Variants in IL1RAPL2 observed in about 807,000 individuals in gnomAD.
IL1RAPL2 encodes X-linked interleukin-1 receptor accessory protein-like 2.
A neutral mutation model predicts 44.1 loss-of-function variants in IL1RAPL2; 3 were observed. That is an observed-to-expected ratio of 0.07 (90% confidence interval 0.03 to 0.18). The LOEUF is 0.18. Among genes scored for constraint, IL1RAPL2 ranks in the 10% least tolerant of loss-of-function variants. IL1RAPL2 has a pLI of 1.00. For synonymous variants in IL1RAPL2, 181 were observed against 178.8 expected (o/e 1.01, Z -0.10); for missense variants, 391 against 496.4 (o/e 0.79, Z 2.02).
intron 2 of IL1RAPL2, among the ~76,000 whole-genome samples, chrX:104,669,478 A>G (rs765174553): frequency 3.6e-5 from 4 of 110,703 alleles, no homozygotes; most frequent in Non-Finnish European, 7.6e-5. Context: ...AAACCACTCC[A>G]TACGTTTCCA....
intron 2 of IL1RAPL2, among the ~76,000 whole-genome samples, chrX:104,798,247 G>C (rs956910619): frequency 2.7e-5 from 3 of 110,997 alleles, no homozygotes; most frequent in African/African-American, 9.8e-5. Context: ...TGGTTAAGGG[G>C]GGCTCCACCT....
At chrX:104,850,016 A>C (rs985204134) in intron 2 of IL1RAPL2, among the ~76,000 whole-genome samples, 8 of 111,451 alleles carry the variant, frequency 7.2e-5, no homozygotes, top group Non-Finnish European at 1.3e-4. Context: ...TTATTTTAAA[A>C]TTTTAATTAT....
chrX:105,419,722 G>T (rs2035760988), intron 5 of IL1RAPL2, among the ~76,000 whole-genome samples: 1 of 112,035 alleles, frequency 8.9e-6, no homozygotes, highest in Non-Finnish European at 1.9e-5. Context: ...CTGCAAAGCT[G>T]CTAGAGTGCA....
At chrX:104,631,914 C>T (rs1297563963) in intron 1 of IL1RAPL2, among the ~76,000 whole-genome samples, 2 of 109,880 alleles carry the variant, frequency 1.8e-5, no homozygotes, top group African/African-American at 3.3e-5. Context: ...GAAGTCCTTG[C>T]CCATGCCTAT....
chrX:105,728,569 T>TAAC (rs1437103026), intron 7 of IL1RAPL2, among the ~76,000 whole-genome samples: 2 of 111,425 alleles, frequency 1.8e-5, no homozygotes, highest in African/African-American at 6.5e-5. Context: ...ACAAAGAAGT[T>TAAC]AACAGATAAG....
chrX:105,079,359 C>G (rs984952275), intron 2 of IL1RAPL2, among the ~76,000 whole-genome samples: 10 of 108,861 alleles, frequency 9.2e-5, no homozygotes, highest in Non-Finnish European at 1.7e-4. Context: ...ACTATAAAGA[C>G]AGAGAGACAC....
chrX:105,661,000 T>TA (rs1051344929), intron 6 of IL1RAPL2, among the ~76,000 whole-genome samples: 14 of 108,519 alleles, frequency 1.3e-4, no homozygotes, highest in South Asian at 7.7e-4. Flanking sequence ...TGGATAGATT[T>TA]AAAAAAAAAC....
At chrX:105,594,671 C>T (rs2037195814) in intron 6 of IL1RAPL2, among the ~76,000 whole-genome samples, 1 of 111,690 alleles carries the variant, frequency 9.0e-6, no homozygotes, top group Non-Finnish European at 1.9e-5. Context: ...GACATGGAAT[C>T]AGGGTAGGTG....
At chrX:105,653,368 G>T (rs2037654610) in intron 6 of IL1RAPL2, among the ~76,000 whole-genome samples, 1 of 111,585 alleles carries the variant, frequency 9.0e-6, no homozygotes, top group African/African-American at 3.3e-5. Context: ...TGGCATCACA[G>T]ATGTATTATA....
At chrX:104,833,323 G>C (rs1336490617) in intron 2 of IL1RAPL2, among the ~76,000 whole-genome samples, 1 of 111,355 alleles carries the variant, frequency 9.0e-6, no homozygotes, top group African/African-American at 3.3e-5. Flanking sequence ...CAATTTTTTT[G>C]TAGAAACGGG....
chrX:104,822,772 G>GT (rs1299916359), intron 2 of IL1RAPL2, among the ~76,000 whole-genome samples: 10 of 111,623 alleles, frequency 9.0e-5, no homozygotes, highest in Non-Finnish European at 1.7e-4. Flanking sequence ...ATTTAAAGTC[G>GT]TTTTTTTCAA....
rs781184433 is a variant in IL1RAPL2 at position 104,964,052 on chromosome X, CAT to C, written c.83-231422_83-231421del. On this transcript the variant is annotated intron_variant, in intron 2 of 10. Transcript: ENST00000372582. ...GACCTATGAGATCTGATGGTGAGCA[CAT>C]GTTACTCAAAATTCATTGATCAATT... is the stretch of plus-strand genomic sequence containing the variant. 1.0e-4 allele frequency among the ~76,000 whole-genome samples: 11 copies of C among 110,059 alleles called. No individual in the cohort carries two copies. The East Asian group carries it at 3.2e-3, about 32-fold the overall frequency.
intron 5 of IL1RAPL2, among the ~76,000 whole-genome samples, chrX:105,410,184 T>A (rs1308523402): frequency 2.7e-5 from 3 of 110,731 alleles, no homozygotes; most frequent in Non-Finnish European, 5.7e-5. Context: ...AGGTAGATAG[T>A]TACATAGAGA....
chrX:105,315,571 A>AATGG (rs1169570759), intron 5 of IL1RAPL2, among the ~76,000 whole-genome samples: 1 of 7,121 alleles, frequency 1.4e-4, no homozygotes, highest in Non-Finnish European at 4.9e-4. Context: ...GGACAGAACT[A>AATGG]ATGGATGTAT....
chrX:104,950,810 T>A (rs1400041529), intron 2 of IL1RAPL2, among the ~76,000 whole-genome samples: 3 of 110,575 alleles, frequency 2.7e-5, no homozygotes, highest in Non-Finnish European at 5.7e-5. Flanking sequence ...GGGGTTCACG[T>A]CATTCTCCTG....
At chrX:104,745,609 C>T (rs750795555) in intron 2 of IL1RAPL2, among the ~76,000 whole-genome samples, 19 of 111,830 alleles carry the variant, frequency 1.7e-4, no homozygotes, top group Non-Finnish European at 3.0e-4. Context: ...AAGAATAAAG[C>T]GTTTAACAAA....
chrX:105,641,474 C>T (rs542698959), intron 6 of IL1RAPL2, among the ~76,000 whole-genome samples: 32 of 111,508 alleles, frequency 2.9e-4, no homozygotes, highest in Middle Eastern at 4.6e-3. Context: ...CTCCATAACA[C>T]GGGGAAAGGC....
At chrX:105,099,111 G>A (rs917343489) in intron 2 of IL1RAPL2, among the ~76,000 whole-genome samples, 2 of 112,171 alleles carry the variant, frequency 1.8e-5, no homozygotes, top group Non-Finnish European at 3.8e-5. Flanking sequence ...AGAATGTTGT[G>A]CGTTCAGAAA....
At position 105,755,178 on chromosome X, in the gene IL1RAPL2, C is replaced by T; in HGVS notation, c.1194C>T (p.Asp398=). 2 of 1,182,333 alleles carry T rather than the reference C, an allele frequency of 1.7e-6. No individual in the cohort carries two copies. Among genetic ancestry groups the T allele is most frequent in the Non-Finnish European group, 2.3e-6 (2 of 874,229 alleles). The part of the protein sequence containing the change: ...QHFGADETND[D]NKEYDAYLSY... ...CTTTTGTTGTTCTTTATGTTTAAGA[C>T]AACAAGGAATATGATGCCTATCTCT... The change falls in exon 10 of 11, where the codon GAC becomes GAT. Residue 398 remains aspartate (D), a splice_region_variant and synonymous_variant. Coordinates refer to ENST00000372582, the MANE Select transcript of IL1RAPL2 (RefSeq NM_017416.2).
Sources: allele counts gnomAD v4.1 joint callset (sites outside exome capture counted in the v4.1 genomes callset), GRCh38; gene constraint gnomAD v4.1.1; transcripts MANE v1.5; gene names NCBI Gene and HGNC (gene_info 2026-07-23, HGNC 2026-07-21).